PCDH9: variants seen among roughly 807,000 people sequenced by gnomAD.
PCDH9 encodes protocadherin 9.
In PCDH9, 24 loss-of-function variants were observed where a neutral mutation model predicts 70.6. The ratio of observed to expected loss-of-function variants is 0.34; its 90% CI spans 0.25 to 0.48. The LOEUF is 0.48. PCDH9 is among the 20% of genes least tolerant of loss of function. PCDH9 has a pLI of 0.99. For missense variants in PCDH9, 1,281 were observed against 1,503.6 expected (o/e 0.85, Z 2.45); for synonymous variants, 562 against 558.5 (o/e 1.01, Z -0.09).
At chr13:67,020,607 C>G (rs1177591133) in intron 2 of PCDH9, among the ~76,000 whole-genome samples, 2 of 152,084 alleles carry the variant, frequency 1.3e-5, no homozygotes, top group Non-Finnish European at 2.9e-5. Flanking sequence ...AAAGTCAAAA[C>G]AGTAAAACAT....
rs1225703400 is a variant in PCDH9 at position 66,804,046 on chromosome 13, C to A, written c.3138+99458G>T. Among the ~76,000 whole-genome samples the A allele has an allele frequency of 4.6e-5, 7 of 152,290 alleles. No individual in the cohort carries two copies. In the East Asian group the frequency reaches 1.3e-3, roughly 29 times the overall value. On this transcript the variant is annotated intron_variant, in intron 3 of 4. Transcript: ENST00000377865. ...CACACATGATTTTGCTACAAGCAGC[C>A]ATTTGCCTGGTTAAAATCAATAAAA...
chr13:66,784,832 T>C (rs1001085540), intron 3 of PCDH9, among the ~76,000 whole-genome samples: 1 of 152,144 alleles, frequency 6.6e-6, no homozygotes, highest in Non-Finnish European at 1.5e-5. Context: ...CTGAGGTAAA[T>C]ACATTATATT....
chr13:66,695,555 A>G (rs916441682), intron 3 of PCDH9, among the ~76,000 whole-genome samples: 1 of 152,222 alleles, frequency 6.6e-6, no homozygotes, highest in African/African-American at 2.4e-5. Flanking sequence ...CACATATATT[A>G]TACCATAATT....
intron 4 of PCDH9, among the ~76,000 whole-genome samples, chr13:66,360,648 T>C (rs980640403): frequency 2.6e-5 from 4 of 152,112 alleles, no homozygotes; most frequent in Non-Finnish European, 5.9e-5. Flanking sequence ...GTCTATTGTA[T>C]ATTAAAAAAT....
At chr13:66,404,815 T>C (rs1957252345) in intron 4 of PCDH9, among the ~76,000 whole-genome samples, 1 of 152,164 alleles carries the variant, frequency 6.6e-6, no homozygotes, top group African/African-American at 2.4e-5. Context: ...GTTAAGTTTC[T>C]ATCACATTAA....
At chr13:67,006,817 A>T (rs535234018) in intron 2 of PCDH9, among the ~76,000 whole-genome samples, 1 of 152,288 alleles carries the variant, frequency 6.6e-6, no homozygotes, top group South Asian at 2.1e-4. Context: ...TCAATAAGAT[A>T]TAAGTGACTT....
At chr13:66,955,166 T>G (rs2083248042) in intron 2 of PCDH9, among the ~76,000 whole-genome samples, 1 of 152,214 alleles carries the variant, frequency 6.6e-6, no homozygotes, top group Admixed American at 6.5e-5. Flanking sequence ...TAAAATCATG[T>G]GAAAGATCAG....
At chr13:66,331,715 A>G (rs1364189730) in intron 4 of PCDH9, among the ~76,000 whole-genome samples, 1 of 152,190 alleles carries the variant, frequency 6.6e-6, no homozygotes, top group East Asian at 1.9e-4. Flanking sequence ...GGAACAAGAC[A>G]GAGTATCCCC....
intron 3 of PCDH9, among the ~76,000 whole-genome samples, chr13:66,887,033 TAACACACACACACACA>T (rs2082015682): frequency 9.8e-6 from 1 of 102,458 alleles, no homozygotes; most frequent in Non-Finnish European, 1.9e-5. Context: ...ACAAATATAA[TAACACACACACACACA>T]CACACACACA....
intron 4 of PCDH9, among the ~76,000 whole-genome samples, chr13:66,515,481 A>G (rs1959687509): frequency 1.3e-5 from 2 of 152,010 alleles, no homozygotes; most frequent in African/African-American, 4.8e-5. Context: ...ATTTTAAAAA[A>G]TAAAACAATT....
Position 66,641,261 on chromosome 13 carries a change from T to C in PCDH9, c.3139-9850A>G, listed in dbSNP as rs190450297. 1.6e-3 allele frequency among the ~76,000 whole-genome samples: 244 copies of C among 152,144 alleles called. 1 individual carries two copies. Among genetic ancestry groups the C allele is most frequent in the Non-Finnish European group, 3.0e-3 (207 of 68,026 alleles). On this transcript the variant is annotated intron_variant, in intron 3 of 4. Transcript: ENST00000377865. Reference sequence around the variant, plus strand: ...AAAAGAAAAATGTCAATGGGAATGATGTACCCCTGTAGCACAGCTTTCTAG... The same window carrying C: ...AAAAGAAAAATGTCAATGGGAATGACGTACCCCTGTAGCACAGCTTTCTAG...
intron 4 of PCDH9, among the ~76,000 whole-genome samples, chr13:66,360,531 A>G (rs1007081152): frequency 4.6e-5 from 7 of 152,162 alleles, no homozygotes; most frequent in Non-Finnish European, 8.8e-5. Context: ...GAGACATGAA[A>G]TAGTTTGAGC....
At chr13:66,984,877 G>A (rs900399244) in intron 2 of PCDH9, among the ~76,000 whole-genome samples, 17 of 151,962 alleles carry the variant, frequency 1.1e-4, no homozygotes, top group African/African-American at 4.1e-4. Context: ...GGTTTTCTAA[G>A]GACAATTTTA....
At chr13:66,620,661 TCTAGTACTTTCTCTC>T (rs2077411016) in intron 4 of PCDH9, among the ~76,000 whole-genome samples, 1 of 152,218 alleles carries the variant, frequency 6.6e-6, no homozygotes, top group South Asian at 2.1e-4. Context: ...TTTATTGGTA[TCTAGTACTTTCTCTC>T]CTACAAAAAT....
At chr13:66,780,527 A>G (rs1473163188) in intron 3 of PCDH9, among the ~76,000 whole-genome samples, 1 of 152,040 alleles carries the variant, frequency 6.6e-6, no homozygotes, top group East Asian at 1.9e-4. Context: ...TCAGATTCCC[A>G]TGTGGCCAGC....
chr13:66,316,848 A>G (rs956925212), intron 4 of PCDH9, among the ~76,000 whole-genome samples: 7 of 151,956 alleles, frequency 4.6e-5, no homozygotes, highest in Non-Finnish European at 8.8e-5. Flanking sequence ...TCAGCCTCCC[A>G]AGTAGCTGGG....
intron 3 of PCDH9, among the ~76,000 whole-genome samples, chr13:66,868,154 T>C (rs1416027987): frequency 6.6e-6 from 1 of 152,042 alleles, no homozygotes; most frequent in East Asian, 1.9e-4. Context: ...CAGTTAATAC[T>C]GGGTTCCTGA....
chr13:66,819,753 G>C (rs2080676537), intron 3 of PCDH9, among the ~76,000 whole-genome samples: 1 of 152,070 alleles, frequency 6.6e-6, no homozygotes, highest in Non-Finnish European at 1.5e-5. Flanking sequence ...AAAATTAGCA[G>C]TGCATGGTGG....
rs551894785 is a variant in PCDH9 at position 66,842,844 on chromosome 13, G to C, written c.3138+60660C>G. Among the ~76,000 whole-genome samples, 11 of 152,258 alleles carry C rather than the reference G, an allele frequency of 7.2e-5. No individual in the cohort carries two copies. The East Asian group carries it at 2.1e-3, about 29-fold the overall frequency. On this transcript the variant is annotated intron_variant, in intron 3 of 4. Coordinates refer to ENST00000377865, the MANE Select transcript of PCDH9 (RefSeq NM_203487.3). ...AGGGAGTGATTTTCTTTTCAGATCT[G>C]GTAGTGTGAGATGTCTCTCTAACTC...
Sources: gnomAD v4.1 joint callset for allele counts (sites outside exome capture counted in the v4.1 genomes callset) on GRCh38, gnomAD v4.1.1 for gene constraint, MANE v1.5 for transcripts, NCBI Gene and HGNC (gene_info 2026-07-23, HGNC 2026-07-21) for gene names.